GALNT10: variants seen among roughly 807,000 people sequenced by gnomAD.
GALNT10 encodes GalNAc transferase 10.
In GALNT10, 41 loss-of-function variants were observed where a neutral mutation model predicts 75.0. The ratio of observed to expected loss-of-function variants is 0.55; its 90% confidence interval spans 0.43 to 0.71. The LOEUF is 0.71. Ranked by LOEUF, GALNT10 falls within the 30% of genes least tolerant of loss-of-function variation. GALNT10 has a pLI of 0.00. For synonymous variants in GALNT10, 302 were observed against 313.0 expected (o/e 0.96, Z 0.37); for missense variants, 727 against 818.5 (o/e 0.89, Z 1.36).
rs75729007 is a variant in GALNT10 at position 154,216,855 on chromosome 5, A to G, written c.159+25830A>G. ...TATATTGTCATGTTCACATCTCAGC[A>G]ATTGCTTTTTACTTGTGAGTAGACC... is the stretch of plus-strand genomic sequence containing the variant. On this transcript the variant is annotated intron_variant, in intron 1 of 11. Coordinates refer to ENST00000297107, the MANE Select transcript of GALNT10 (RefSeq NM_198321.4). Among the ~76,000 whole-genome samples the G allele has an allele frequency of 3.4e-3, 525 of 152,242 alleles. 4 individuals are homozygous for G. Among genetic ancestry groups the G allele is most frequent in the African/African-American group, 0.012 (508 of 41,548 alleles).
chr5:154,280,855 T>A (rs1040947901), intron 1 of GALNT10, among the ~76,000 whole-genome samples: 2 of 152,206 alleles, frequency 1.3e-5, no homozygotes, highest in Admixed American at 1.3e-4. Context: ...AATATCTAAT[T>A]GTTTGGACAC....
chr5:154,347,419 A>C lies in GALNT10; in HGVS notation c.568+17681A>C, dbSNP rs554668154. 4.6e-5 allele frequency among the ~76,000 whole-genome samples: 7 copies of C among 151,786 alleles called. No individual in the cohort carries two copies. The South Asian group carries it at 1.5e-3, about 32-fold the overall frequency. On this transcript the variant is annotated intron_variant, in intron 4 of 11. Coordinates refer to ENST00000297107, the MANE Select transcript of GALNT10 (RefSeq NM_198321.4). Reference sequence around the variant, plus strand: ...TGCTCTGTCATTCAGGTTGAAGTGCAATGATGCAACCATAGCCCACTGCAG... The same window carrying C: ...TGCTCTGTCATTCAGGTTGAAGTGCCATGATGCAACCATAGCCCACTGCAG...
At position 154,249,741 on chromosome 5, in the gene GALNT10, A is replaced by G. The variant is rs186113865; in HGVS notation, c.160-45075A>G. 5.3e-5 allele frequency among the ~76,000 whole-genome samples: 8 copies of G among 152,194 alleles called. No individual in the cohort carries two copies. The East Asian group carries it at 1.4e-3, about 26-fold the overall frequency. ...GGAGTCTACCAGTTTGAGAGACAAA[A>G]CTTCTACTAAAGTAGCCTACAGGGC... On this transcript the variant is annotated intron_variant, in intron 1 of 11. Coordinates refer to ENST00000297107, the MANE Select transcript of GALNT10 (RefSeq NM_198321.4).
At position 154,416,480 on chromosome 5, in the gene GALNT10, T is replaced by TGCACAC. The variant is rs372126311; in HGVS notation, c.1654-334_1654-333insGCACAC. On this transcript the variant is annotated intron_variant, in intron 11 of 11. Transcript: ENST00000297107. The surrounding 1 kb of genome is among the most constrained non-coding windows in gnomAD (Gnocchi z 4.5). ...AAATAAAAGATAAAAGGAAAGCACA[T>TGCACAC]ACACACACACACACACACACACACA... Among the ~76,000 whole-genome samples, 5 of 141,828 alleles carry TGCACAC rather than the reference T, an allele frequency of 3.5e-5. No homozygotes were observed. The highest frequency in any genetic ancestry group is 4.1e-4 in the East Asian group (2 of 4,836). 93.0% of individuals were successfully genotyped at this position (141,828 alleles called of 152,430 possible). A position where few individuals can be genotyped will look rare whatever the true frequency, so the allele number is the denominator to read the frequency against.
chr5:154,356,920 T>A (rs1326664205), intron 4 of GALNT10, among the ~76,000 whole-genome samples: 1 of 152,252 alleles, frequency 6.6e-6, no homozygotes, highest in African/African-American at 2.4e-5. Flanking sequence ...TTTTACCTTT[T>A]TATTTTGATT....
At chr5:154,240,557 TG>T (rs1753317351) in intron 1 of GALNT10, among the ~76,000 whole-genome samples, 1 of 152,234 alleles carries the variant, frequency 6.6e-6, no homozygotes, top group Admixed American at 6.5e-5. Context: ...TTCTGTGTCC[TG>T]GGTTAAGAGG....
chr5:154,374,321 T>C (rs1755623910), intron 4 of GALNT10, among the ~76,000 whole-genome samples: 1 of 152,216 alleles, frequency 6.6e-6, no homozygotes, highest in Non-Finnish European at 1.5e-5. Context: ...TGGTTGTATG[T>C]ATGTAGATCA....
chr5:154,197,158 C>T (rs974356961), intron 1 of GALNT10, among the ~76,000 whole-genome samples: 1 of 152,172 alleles, frequency 6.6e-6, no homozygotes, highest in African/African-American at 2.4e-5. Flanking sequence ...CTTGCCAACA[C>T]ACAGTGGAGG....
chr5:154,362,532 A>G (rs1381064704), intron 4 of GALNT10, among the ~76,000 whole-genome samples: 1 of 152,168 alleles, frequency 6.6e-6, no homozygotes, highest in Non-Finnish European at 1.5e-5. Context: ...CTAATTACTA[A>G]TGCATCTCAG....
chr5:154,389,003 C>T (rs1755852087), intron 7 of GALNT10: 1 of 151,578 alleles, frequency 6.6e-6, no homozygotes, highest in African/African-American at 2.4e-5. Context: ...TAGGTTTCTA[C>T]TCCCTGCCAG....
At chr5:154,293,016 A>C (rs777277914) in intron 1 of GALNT10, among the ~76,000 whole-genome samples, 10 of 152,150 alleles carry the variant, frequency 6.6e-5, no homozygotes, top group Non-Finnish European at 1.0e-4. Context: ...TAGCACACCA[A>C]CTTTCAGAAT....
At chr5:154,278,619 T>C (rs1428465358) in intron 1 of GALNT10, among the ~76,000 whole-genome samples, 2 of 152,238 alleles carry the variant, frequency 1.3e-5, no homozygotes, top group African/African-American at 2.4e-5. Flanking sequence ...TGGCATTAAA[T>C]ATGTTCACAA....
intron 7 of GALNT10, among the ~76,000 whole-genome samples, chr5:154,394,159 T>C (rs1755966030): frequency 6.6e-6 from 1 of 151,860 alleles, no homozygotes; most frequent in African/African-American, 2.4e-5. Flanking sequence ...GAGGACACCC[T>C]CCCCTGCAGA....
chr5:154,280,853 A>G (rs1754030050), intron 1 of GALNT10, among the ~76,000 whole-genome samples: 1 of 152,164 alleles, frequency 6.6e-6, no homozygotes, highest in Non-Finnish European at 1.5e-5. Context: ...TGAATATCTA[A>G]TTGTTTGGAC....
At chr5:154,371,577 C>T (rs1262637229) in intron 4 of GALNT10, among the ~76,000 whole-genome samples, 1 of 96,906 alleles carries the variant, frequency 1.0e-5, no homozygotes, top group Non-Finnish European at 2.5e-5. Context: ...CACACACACA[C>T]ACACACGTGT....
chr5:154,340,318 C>A (rs548806893), intron 4 of GALNT10, among the ~76,000 whole-genome samples: 1 of 152,122 alleles, frequency 6.6e-6, no homozygotes, highest in Non-Finnish European at 1.5e-5. Context: ...CTGTTGTAAG[C>A]GACTTAAATA....
At chr5:154,310,144 C>G (rs957469328) in intron 3 of GALNT10, among the ~76,000 whole-genome samples, 3 of 152,126 alleles carry the variant, frequency 2.0e-5, no homozygotes, top group Non-Finnish European at 4.4e-5. Context: ...GTCAGACCCT[C>G]CATAGAATAG....
chr5:154,293,909 G>A (rs1454718948), intron 1 of GALNT10, among the ~76,000 whole-genome samples: 3 of 152,050 alleles, frequency 2.0e-5, no homozygotes, highest in African/African-American at 7.3e-5. Flanking sequence ...TCTCCCCAGT[G>A]GAACTGAACT....
chr5:154,346,163 A>T (rs1182730712), intron 4 of GALNT10, among the ~76,000 whole-genome samples: 2 of 121,666 alleles, frequency 1.6e-5, no homozygotes, highest in Admixed American at 8.8e-5. Context: ...TGTGTGTGTG[A>T]GATAGATACA....
Sources: allele counts gnomAD v4.1 joint callset (sites outside exome capture counted in the v4.1 genomes callset), GRCh38; gene constraint gnomAD v4.1.1; non-coding constraint Gnocchi (gnomAD v3.1); transcripts MANE v1.5; gene names NCBI Gene and HGNC (gene_info 2026-07-23, HGNC 2026-07-21).